CRB1: variants seen among roughly 807,000 people sequenced by gnomAD.
CRB1 encodes the protein protein crumbs homolog 1.
CRB1 carries 83 observed loss-of-function variants against 120.0 expected under a neutral mutation model. The ratio of observed to expected loss-of-function variants is 0.69; its 90% CI spans 0.58 to 0.83. The LOEUF is 0.83. CRB1 is among the 40% of genes least tolerant of loss of function. The pLI is 0.00. For synonymous variants in CRB1, 625 were observed against 612.5 expected, an observed-to-expected ratio of 1.02 and a Z score of -0.30; for missense variants, 1,699 against 1,687.6, an observed-to-expected ratio of 1.01 and a Z score of -0.12.
chr1:197,329,079 A>G, intron 2 of CRB1, 76 bp downstream of exon 2: 1 of 1,259,364 alleles, frequency 7.9e-7, no homozygotes. Flanking sequence ...GTGACATTTT[A>G]TTTTTCACAC....
chr1:197,275,379 T>C (rs1398789030), intron 1 of CRB1, among the ~76,000 whole-genome samples: 1 of 152,096 alleles, frequency 6.6e-6, no homozygotes, highest in Non-Finnish European at 1.5e-5. Context: ...TGGGTAAAAT[T>C]GGTTTACAAT....
At position 197,383,956 on chromosome 1, in the gene CRB1, T is replaced by C. The variant is rs765640498; in HGVS notation, c.1171+26943T>C. 3.3e-5 allele frequency among the ~76,000 whole-genome samples: 5 copies of C among 152,218 alleles called. No individual in the cohort carries two copies. In the South Asian group the frequency reaches 6.2e-4, roughly 19 times the overall value. ...CCAGTGGAAGGTTATAAGAGCTTTT[T>C]AATAGACTCAAATAAGTTTAATGCA... is the stretch of plus-strand genomic sequence containing the variant. On this transcript the variant is annotated intron_variant, in intron 5 of 11. Coordinates refer to ENST00000367400, the MANE Select transcript of CRB1 (RefSeq NM_201253.3).
At chr1:197,204,699 G>A in the CRB1 span, among the ~76,000 whole-genome samples, 1,190 of 152,158 alleles carry the variant, frequency 7.8e-3, 14 homozygotes, top group African/African-American at 0.024. Flanking sequence ...TAGAGATTTC[G>A]AAGATTTTCT....
chr1:197,219,716 C>T, the CRB1 span, among the ~76,000 whole-genome samples: 55 of 152,312 alleles, frequency 3.6e-4, no homozygotes, highest in African/African-American at 1.3e-3. Context: ...AAGATACACA[C>T]CAAAATTCTC....
intron 1 of CRB1, among the ~76,000 whole-genome samples, chr1:197,274,781 T>C (rs748050155): frequency 5.3e-5 from 8 of 152,212 alleles, no homozygotes; most frequent in Non-Finnish European, 7.3e-5. Context: ...TTTTTATTAC[T>C]GAAAAATATT....
At chr1:197,449,498 G>C (rs893566526) in intron 11 of CRB1, among the ~76,000 whole-genome samples, 3 of 151,976 alleles carry the variant, frequency 2.0e-5, no homozygotes, top group Non-Finnish European at 2.9e-5. Flanking sequence ...TCTCAAGTAG[G>C]TGGGATTACA....
At chr1:197,226,950 G>C in the CRB1 span, among the ~76,000 whole-genome samples, 2 of 152,038 alleles carry the variant, frequency 1.3e-5, no homozygotes, top group Non-Finnish European at 2.9e-5. Flanking sequence ...AACAGTATGG[G>C]GGGAAACTGC....
At chr1:197,368,265 C>A (rs1043688384) in intron 5 of CRB1, among the ~76,000 whole-genome samples, 1 of 152,152 alleles carries the variant, frequency 6.6e-6, no homozygotes, top group African/African-American at 2.4e-5. Context: ...GACTCTCAAA[C>A]AGATATTTGA....
intron 2 of CRB1, among the ~76,000 whole-genome samples, chr1:197,339,346 A>G (rs991115328): frequency 2.0e-5 from 3 of 152,242 alleles, no homozygotes; most frequent in African/African-American, 4.8e-5. Context: ...CGAATGCTAC[A>G]GTTCCACATT....
At chr1:197,423,706 C>T (rs1054683966) in intron 6 of CRB1, among the ~76,000 whole-genome samples, 1 of 152,082 alleles carries the variant, frequency 6.6e-6, no homozygotes, top group Non-Finnish European at 1.5e-5. Context: ...CAAACTTCAG[C>T]CCATTCATGA....
chr1:197,322,216 C>T (rs941563530), intron 1 of CRB1, among the ~76,000 whole-genome samples: 2 of 152,032 alleles, frequency 1.3e-5, no homozygotes, highest in African/African-American at 2.4e-5. Flanking sequence ...TACGGTGGCT[C>T]ATGCCTGTAA....
intron 5 of CRB1, among the ~76,000 whole-genome samples, chr1:197,392,064 C>T (rs562416931): frequency 1.3e-5 from 2 of 151,996 alleles, no homozygotes; most frequent in East Asian, 1.9e-4. Context: ...TACAGCATCT[C>T]GTGGTGTCTA....
intron 1 of CRB1, among the ~76,000 whole-genome samples, chr1:197,326,632 A>AAATAAT (rs530759730): frequency 4.6e-5 from 7 of 151,676 alleles, no homozygotes; most frequent in South Asian, 2.1e-4. Context: ...CTCTGTCTCA[A>AAATAAT]AATAATAATA....
At chr1:197,341,632 C>T (rs888298389) in intron 2 of CRB1, among the ~76,000 whole-genome samples, 3 of 152,254 alleles carry the variant, frequency 2.0e-5, no homozygotes, top group Non-Finnish European at 4.4e-5. Context: ...AGGGAAAAAT[C>T]TTTCTGACTT....
At chr1:197,456,184 CT>C (rs1666276783) in intron 11 of CRB1, among the ~76,000 whole-genome samples, 1 of 152,030 alleles carries the variant, frequency 6.6e-6, no homozygotes, top group South Asian at 2.1e-4. Context: ...GTATTAATGA[CT>C]GATAAATGGC....
At chr1:197,285,455 A>AT (rs1230762184) in intron 1 of CRB1, among the ~76,000 whole-genome samples, 1 of 151,890 alleles carries the variant, frequency 6.6e-6, no homozygotes, top group Non-Finnish European at 1.5e-5. Flanking sequence ...TCAAATTCTC[A>AT]TTTTTAACAC....
chr1:197,394,133 C>G (rs973934249), intron 5 of CRB1, among the ~76,000 whole-genome samples: 2 of 151,940 alleles, frequency 1.3e-5, no homozygotes, highest in African/African-American at 4.8e-5. Flanking sequence ...TTGCCTGTGC[C>G]ATGCTGGAGA....
chr1:197,287,662 T>A (rs532396338), intron 1 of CRB1, among the ~76,000 whole-genome samples: 2 of 151,856 alleles, frequency 1.3e-5, no homozygotes, highest in East Asian at 3.9e-4. Context: ...TCATGTGCAG[T>A]TTATCCAAGG....
At chr1:197,243,639 T>C in the CRB1 span, among the ~76,000 whole-genome samples, 2 of 152,074 alleles carry the variant, frequency 1.3e-5, no homozygotes, top group African/African-American at 4.8e-5. Context: ...GTGGGAAAAA[T>C]GTATATTTTA....
Sources: allele counts gnomAD v4.1 joint callset (sites outside exome capture counted in the v4.1 genomes callset), GRCh38; gene constraint gnomAD v4.1.1; transcripts MANE v1.5; gene names NCBI Gene and HGNC (gene_info 2026-07-23, HGNC 2026-07-21).